Variants in PLCH2 observed in about 807,000 individuals in gnomAD.
PLCH2 encodes 1-phosphatidylinositol 4,5-bisphosphate phosphodiesterase eta-2.
Under a neutral mutation model 134.7 loss-of-function variants are expected in PLCH2, and 98 were observed. The observed-to-expected ratio is 0.73, with a 90% CI of 0.62 to 0.86. The LOEUF (loss-of-function observed/expected upper bound fraction) is 0.86. PLCH2 is among the 40% of genes least tolerant of loss of function. The pLI, the probability that PLCH2 is intolerant of heterozygous loss-of-function variation, is 0.00. For synonymous variants in PLCH2, 974 were observed against 827.5 expected (o/e 1.18, Z -3.04); for missense variants, 1,994 against 1,986.6 (o/e 1.00, Z -0.07).
intron 20 of PLCH2, 137 bp downstream of exon 20, chr1:2,499,857 C>A: frequency 1.5e-6 from 1 of 689,044 alleles, no homozygotes; most frequent in Non-Finnish European, 2.6e-6. Context: ...CGGGCCTCTG[C>A]TCCTCTATCT....
intron 2 of PLCH2, among the ~76,000 whole-genome samples, chr1:2,459,808 T>A: frequency 6.6e-6 from 1 of 152,262 alleles, no homozygotes; most frequent in Middle Eastern, 3.2e-3. Flanking sequence ...AATACGCTCC[T>A]GAGTAATTCA....
chr1:2,443,331 C>T (rs1162074783), intron 2 of PLCH2, among the ~76,000 whole-genome samples: 3 of 152,148 alleles, frequency 2.0e-5, no homozygotes, highest in African/African-American at 7.2e-5. Context: ...GGCCCAGGCC[C>T]CAGTCCTCAA....
At chr1:2,484,336 AG>A in intron 4 of PLCH2, 111 bp from the exon 5 acceptor site, 1 of 992,916 alleles carries the variant, frequency 1.0e-6, no homozygotes, top group Non-Finnish European at 1.5e-6. Flanking sequence ...GGAGTAGAGG[AG>A]GGTGGGCTTG....
chr1:2,422,087 A>G (rs1638546026), upstream of PLCH2, among the ~76,000 whole-genome samples: 1 of 151,960 alleles, frequency 6.6e-6, no homozygotes, highest in Non-Finnish European at 1.5e-5. Context: ...CCTGGCCAAC[A>G]TGGAAACCAT....
Position 2,489,982 on chromosome 1 carries a change from T to C in PLCH2, c.1515+115T>C, listed in dbSNP as rs566854938. On this transcript the variant is annotated intron_variant, in intron 10 of 21. Coordinates refer to ENST00000378486, the MANE Select transcript of PLCH2 (RefSeq NM_014638.4). ...GGGAGGCATCCGGGAGAGAGGGACA[T>C]TGGGGCAGATTCGCACAGCGGCCTG... 15 of 785,002 alleles carry C rather than the reference T, an allele frequency of 1.9e-5. No homozygotes were observed. In the East Asian group the frequency reaches 2.1e-4, roughly 11 times the overall value. 48.6% of individuals were successfully genotyped at this position (785,002 alleles called of 1,614,324 possible).
intron 2 of PLCH2, among the ~76,000 whole-genome samples, chr1:2,451,640 G>T (rs1197082966): frequency 6.6e-6 from 1 of 152,298 alleles, no homozygotes; most frequent in Admixed American, 6.5e-5. Flanking sequence ...CGGGGGCTCT[G>T]ACCCCTCAGA....
intron 2 of PLCH2, among the ~76,000 whole-genome samples, chr1:2,452,187 G>A (rs961355073): frequency 6.6e-6 from 1 of 152,216 alleles, no homozygotes; most frequent in African/African-American, 2.4e-5. Context: ...GCAGAAGGAC[G>A]GTGGAGGCTG....
chr1:2,476,028 C>A (rs1329957052), upstream of PLCH2, among the ~76,000 whole-genome samples: 5 of 152,228 alleles, frequency 3.3e-5, no homozygotes, highest in Non-Finnish European at 7.4e-5. Flanking sequence ...GGGAGGCCCA[C>A]CCCACACAGG....
chr1:2,481,427 T>G (rs1641963825), intron 4 of PLCH2, among the ~76,000 whole-genome samples: 1 of 152,214 alleles, frequency 6.6e-6, no homozygotes. Flanking sequence ...AGCCACATTT[T>G]GGGCTCAGGG....
chr1:2,450,254 G>A (rs578259803), intron 2 of PLCH2, among the ~76,000 whole-genome samples: 2 of 152,164 alleles, frequency 1.3e-5, no homozygotes, highest in African/African-American at 4.8e-5. Flanking sequence ...GTGATCCTTC[G>A]AGAGCTGGTT....
At position 2,482,357 on chromosome 1, in the gene PLCH2, C is replaced by T. The variant is rs111464938; in HGVS notation, c.645+2045C>T. The stretch of plus-strand genomic sequence containing the variant: ...CCTGGGAGGGCCATCAGCCCAGGCT[C>T]TGTCCCATGGGGGCCCTTTGAGCTG... On this transcript the variant is annotated intron_variant, in intron 4 of 21. Transcript: ENST00000378486. 4.9e-3 allele frequency among the ~76,000 whole-genome samples: 742 copies of T among 152,330 alleles called. 7 individuals carry two copies. The highest frequency in any genetic ancestry group is 0.017 in the African/African-American group (705 of 41,576).
intron 21 of PLCH2, chr1:2,503,201 G>A: frequency 5.1e-6 from 3 of 585,870 alleles, no homozygotes; most frequent in Non-Finnish European, 9.2e-6. Context: ...CGGGACTGTG[G>A]CCTGACATGC....
Position 2,502,246 on chromosome 1 carries a change from C to A in PLCH2, c.2796C>A (p.Ala932=). The A allele has an allele frequency of 6.5e-7, 1 of 1,541,674 alleles. No homozygotes were observed. Among genetic ancestry groups the A allele is most frequent in the Non-Finnish European group, 8.7e-7 (1 of 1,145,028 alleles). ...SQRILRRTAS[A]PTKSQKPGRR... Reference sequence around the variant, plus strand: ...GGATCCTGCGGCGCACGGCCAGCGCCCCGACCAAGAGCCAGAAGCCGGGCC... The same window carrying A: ...GGATCCTGCGGCGCACGGCCAGCGCACCGACCAAGAGCCAGAAGCCGGGCC... Residue 932 remains alanine, a synonymous_variant, in exon 21 of 22, where the codon GCC becomes GCA. Transcript: ENST00000378486.
At chr1:2,481,037 C>T (rs910287966) in intron 4 of PLCH2, among the ~76,000 whole-genome samples, 32 of 152,190 alleles carry the variant, frequency 2.1e-4, no homozygotes, top group Admixed American at 2.0e-3. Flanking sequence ...CACGCATGCA[C>T]GTGCATAAAT....
chr1:2,503,726 C>T lies in PLCH2; in HGVS notation c.2960-196C>T, dbSNP rs536265295. The T allele has an allele frequency of 1.0e-4, 63 of 616,918 alleles. No homozygotes were observed. In the African/African-American group the frequency reaches 1.1e-3, roughly 11 times the overall value. 38.2% of individuals were successfully genotyped at this position (616,918 alleles called of 1,614,324 possible). Reference sequence around the variant, plus strand: ...GCGGCACAGGGCGTGGACTGGGCCCCAGCAGCAGCAGGGTGGGGACACCGA... The same window carrying T: ...GCGGCACAGGGCGTGGACTGGGCCCTAGCAGCAGCAGGGTGGGGACACCGA... On this transcript the variant is annotated intron_variant, in intron 21 of 21. Transcript: ENST00000378486.
Position 2,444,144 on chromosome 1 carries a change from G to C in PLCH2, c.115+13515G>C, listed in dbSNP as rs948809777. Among the ~76,000 whole-genome samples the C allele has an allele frequency of 1.3e-5, 2 of 152,226 alleles. No homozygotes were observed. Among genetic ancestry groups the C allele is most frequent in the African/African-American group, 4.8e-5 (2 of 41,476 alleles). ...GGGGTGCGGGCGCGGGACTGTGGGC[G>C]GGACGGGCGGAGCGGTCTTGAGCTC... is the stretch of plus-strand genomic sequence containing the variant. On this transcript the variant is annotated intron_variant, in intron 2 of 3. Transcript: ENST00000609981. This position sits in a 1 kb window ranked among gnomAD's most constrained non-coding sequence, Gnocchi z 4.6.
At position 2,499,276 on chromosome 1, in the gene PLCH2, C is replaced by T. The variant is rs1293444177; in HGVS notation, c.2581+46C>T. On this transcript the variant is annotated intron_variant, in intron 19 of 21. Coordinates refer to ENST00000378486, the MANE Select transcript of PLCH2 (RefSeq NM_014638.4). ...TGCCCCCCACACTGGCCGAGGGCCCCAGGGCAGGGCAGGTACTCTTTCCCC... is the reference window on the plus strand; with the variant it reads ...TGCCCCCCACACTGGCCGAGGGCCCTAGGGCAGGGCAGGTACTCTTTCCCC... The T allele has an allele frequency of 4.4e-6, 7 of 1,598,946 alleles. No homozygotes were observed. The African/African-American group carries it at 9.4e-5, about 21-fold the overall frequency.
chr1:2,472,738 G>T (rs574848381), upstream of PLCH2, among the ~76,000 whole-genome samples: 8 of 152,310 alleles, frequency 5.3e-5, no homozygotes, highest in Middle Eastern at 3.4e-3. Context: ...CGTCGGGAGA[G>T]GAGGGGGCTT....
intron 1 of PLCH2, among the ~76,000 whole-genome samples, chr1:2,468,165 G>A (rs2494630): frequency 2.0e-5 from 3 of 151,870 alleles, no homozygotes; most frequent in South Asian, 4.1e-4. Flanking sequence ...GCCCCTGATC[G>A]AGGTTGGCAA....
Sources: gnomAD v4.1 joint callset for allele counts (sites outside exome capture counted in the v4.1 genomes callset) on GRCh38, gnomAD v4.1.1 for gene constraint, Gnocchi (gnomAD v3.1) non-coding constraint, MANE v1.5 for transcripts, NCBI Gene and HGNC (gene_info 2026-07-23, HGNC 2026-07-21) for gene names.